The following GOLGA1 variants were observed in gnomAD, a reference collection of about 807,000 sequenced individuals.
GOLGA1 encodes golgin A1, also known as golgin subfamily A member 1.
In GOLGA1, 63 loss-of-function variants were observed where a neutral mutation model predicts 119.7. The ratio of observed to expected loss-of-function variants is 0.53; its 90% confidence interval spans 0.43 to 0.65. GOLGA1 has a LOEUF of 0.65. GOLGA1 is among the 30% of genes least tolerant of loss of function. The probability of loss-of-function intolerance (pLI) is 0.00; values close to 1 mark genes in which losing one functional copy is unlikely to be tolerated. For synonymous variants in GOLGA1, 318 were observed against 333.4 expected, an observed-to-expected ratio of 0.95 and a Z score of 0.50; for missense variants, 798 against 912.8, an observed-to-expected ratio of 0.87 and a Z score of 1.62.
rs1436542330 is a variant in GOLGA1, at chr9:124,899,325, T to C, written c.1311+4A>G. ...GGCCCACCCTCTCTTAGCTCTTCAC[T>C]CACCATCCCTTGCTCTGCGGTGGTC... is the stretch of plus-strand genomic sequence containing the variant. On this transcript the variant is annotated splice_donor_region_variant and intron_variant, in intron 14 of 22. Coordinates refer to ENST00000373555, the MANE Select transcript of GOLGA1 (RefSeq NM_002077.4). The C allele has an allele frequency of 6.5e-7, 1 of 1,543,880 alleles. No individual in the cohort carries two copies. Among genetic ancestry groups the C allele is most frequent in the Non-Finnish European group, 8.8e-7 (1 of 1,142,800 alleles).
intron 12 of GOLGA1, among the ~76,000 whole-genome samples, chr9:124,905,383 A>G (rs1830205642): frequency 6.6e-6 from 1 of 151,820 alleles, no homozygotes. Flanking sequence ...AATTGTTTGA[A>G]CCTGGGAAGC....
chr9:124,895,949 TAACAGAGAACCATCCACAAC>T (rs1358448996), intron 15 of GOLGA1, among the ~76,000 whole-genome samples: 1 of 143,504 alleles, frequency 7.0e-6, no homozygotes, highest in African/African-American at 2.6e-5. Flanking sequence ...AGACCCTCTA[TAACAGAGAACCATCCACAAC>T]AGAGAACCAT....
intron 11 of GOLGA1, among the ~76,000 whole-genome samples, chr9:124,908,728 A>G (rs1390124431): frequency 6.6e-6 from 1 of 152,250 alleles, no homozygotes; most frequent in Non-Finnish European, 1.5e-5. Context: ...GTCCACAAAG[A>G]GGAAGAAGCA....
At chr9:124,895,398 T>C (rs1437591662) in intron 15 of GOLGA1, among the ~76,000 whole-genome samples, 71 of 70,394 alleles carry the variant, frequency 1.0e-3, no homozygotes, top group East Asian at 2.4e-3. Flanking sequence ...CAACAGAGAC[T>C]CTCCACAACA....
intron 15 of GOLGA1, among the ~76,000 whole-genome samples, chr9:124,891,607 G>A (rs987998967): frequency 2.0e-5 from 3 of 151,922 alleles, no homozygotes; most frequent in Non-Finnish European, 4.4e-5. Flanking sequence ...TCAGGCTTCA[G>A]CAGTCCTCGC....
At chr9:124,925,359 AT>A (rs11357664) in intron 7 of GOLGA1, among the ~76,000 whole-genome samples, 86,644 of 141,822 alleles carry the variant, frequency 0.61, 26,391 homozygotes, top group African/African-American at 0.68. Flanking sequence ...ATGGTTGAGG[AT>A]TTTTTTTTTT....
rs1469797194 is a variant in GOLGA1, at chr9:124,880,601, A to C, written c.2233T>G (p.Phe745Val). The change falls in exon 23 of 23, where the codon TTT (phenylalanine) becomes GTT (valine). Residue 745 changes from phenylalanine to valine, a missense_variant. Phe to Val is a conservative substitution (Grantham distance 50, BLOSUM62 -1). Transcript: ENST00000373555. ...KETLEYKMSW[F>V]GSKPAPKGSI... ...CCCTTGGGAGCTGGTTTGGACCCAA[A>C]CCATGACATCTGCATTTGAAACAGA... 1 of 1,604,042 alleles carries C rather than the reference A, an allele frequency of 6.2e-7. No individual in the cohort carries two copies. Among genetic ancestry groups the C allele is most frequent in the South Asian group, 1.1e-5 (1 of 90,842 alleles).
chr9:124,916,530 A>G (rs1220761486), intron 10 of GOLGA1, among the ~76,000 whole-genome samples: 1 of 152,176 alleles, frequency 6.6e-6, no homozygotes, highest in African/African-American at 2.4e-5. Flanking sequence ...AAACTTAGGA[A>G]GAAATACATA....
intron 15 of GOLGA1, among the ~76,000 whole-genome samples, chr9:124,895,893 C>G (rs893295843): frequency 6.6e-6 from 1 of 151,442 alleles, no homozygotes; most frequent in African/African-American, 2.4e-5. Context: ...CAACAGAGAC[C>G]CACCCACAAC....
At chr9:124,895,684 A>G (rs1301636428) in intron 15 of GOLGA1, among the ~76,000 whole-genome samples, 1 of 150,662 alleles carries the variant, frequency 6.6e-6, no homozygotes, top group Non-Finnish European at 1.5e-5. Context: ...GACCCTCCAC[A>G]ACAGAGAACC....
At position 124,880,546 on chromosome 9, in the gene GOLGA1, C is replaced by G; in HGVS notation, c.2288G>C (p.Arg763Pro). 6.2e-7 allele frequency: 1 copy of G among 1,602,094 alleles called. No homozygotes were observed. The highest frequency in any genetic ancestry group is 1.1e-5 in the South Asian group (1 of 90,796). The change falls in exon 23 of 23, where the codon CGG becomes CCG. Residue 763 changes from arginine (R) to proline (P), a missense_variant. Transcript: ENST00000373555. ...TAGTCCCCTCTAGGACCATGGTATC[C>G]GAGGGTTTGAGATAGACGGCCGGAT... Reference protein sequence around the residue: ...GSIRPSISNPRIPWS With the variant: ...GSIRPSISNPPIPWS
At chr9:124,884,378 C>T (rs1829666817) in intron 19 of GOLGA1, among the ~76,000 whole-genome samples, 2 of 152,216 alleles carry the variant, frequency 1.3e-5, no homozygotes, top group Admixed American at 6.5e-5. Flanking sequence ...CATGTACCCC[C>T]AGTCCACATC....
At chr9:124,896,141 T>C (rs1055022721) in intron 15 of GOLGA1, among the ~76,000 whole-genome samples, 4 of 152,176 alleles carry the variant, frequency 2.6e-5, no homozygotes, top group Non-Finnish European at 5.9e-5. Flanking sequence ...AGGCAGGGCA[T>C]GGTGGCTCAC....
chr9:124,938,459 G>T (rs994822726), intron 3 of GOLGA1, 118 bp downstream of exon 3: 3 of 824,660 alleles, frequency 3.6e-6, no homozygotes, highest in Non-Finnish European at 5.9e-6. Context: ...AGAATCAGAT[G>T]TACAGGCTCT....
At chr9:124,934,089 TA>T (rs1392642059) in intron 3 of GOLGA1, among the ~76,000 whole-genome samples, 1 of 152,062 alleles carries the variant, frequency 6.6e-6, no homozygotes, top group Non-Finnish European at 1.5e-5. Context: ...TTAATAAAGG[TA>T]GATACAGTTC....
At chr9:124,929,709 A>G (rs936305932) in intron 4 of GOLGA1, among the ~76,000 whole-genome samples, 1 of 152,202 alleles carries the variant, frequency 6.6e-6, no homozygotes, top group Non-Finnish European at 1.5e-5. Context: ...CAACTCAGGA[A>G]CAGTAGTTAG....
At chr9:124,896,854 C>A (rs1449225523) in intron 15 of GOLGA1, among the ~76,000 whole-genome samples, 1 of 152,040 alleles carries the variant, frequency 6.6e-6, no homozygotes, top group East Asian at 1.9e-4. Flanking sequence ...ATTGCTTGAG[C>A]CTGGGAAGTT....
At chr9:124,885,959 T>A (rs1476308896) in intron 19 of GOLGA1, among the ~76,000 whole-genome samples, 1 of 152,048 alleles carries the variant, frequency 6.6e-6, no homozygotes, top group Non-Finnish European at 1.5e-5. Context: ...AGTGGTGGAT[T>A]CTGGGAAATG....
chr9:124,937,723 T>A (rs1160317540), intron 3 of GOLGA1, among the ~76,000 whole-genome samples: 1 of 152,162 alleles, frequency 6.6e-6, no homozygotes, highest in Non-Finnish European at 1.5e-5. Flanking sequence ...AGCATGACAT[T>A]TCCCTCATAT....
Sources: gnomAD v4.1 joint callset for allele counts (sites outside exome capture counted in the v4.1 genomes callset) on GRCh38, gnomAD v4.1.1 for gene constraint, MANE v1.5 for transcripts, NCBI Gene and HGNC (gene_info 2026-07-23, HGNC 2026-07-21) for gene names.